The following IDO2 variants were observed in gnomAD, a reference collection of about 807,000 sequenced individuals.
IDO2 encodes indoleamine 2,3-dioxygenase 2, also known as indoleamine 2,3-dioxygenase-like 1 protein.
IDO2 carries 46 observed loss-of-function variants against 45.1 expected under a neutral mutation model. That is an observed-to-expected ratio of 1.02 (90% confidence interval 0.80 to 1.30). The LOEUF (loss-of-function observed/expected upper bound fraction) is 1.30, where lower values mean the gene tolerates loss of function less well. IDO2 is among the 50% of genes most tolerant of loss of function. The pLI is 0.00. For missense variants in IDO2, 544 were observed against 491.8 expected, an observed-to-expected ratio of 1.11 and a Z score of -1.00; for synonymous variants, 218 against 184.9, an observed-to-expected ratio of 1.18 and a Z score of -1.45.
At chr8:39,965,082 G>C (rs1313164047) in intron 3 of IDO2, among the ~76,000 whole-genome samples, 1 of 152,248 alleles carries the variant, frequency 6.6e-6, no homozygotes, top group Non-Finnish European at 1.5e-5. Flanking sequence ...CATAAAGGAA[G>C]AGAAGGACTT....
intron 9 of IDO2, among the ~76,000 whole-genome samples, chr8:40,011,306 A>G (rs996073415): frequency 6.6e-6 from 1 of 152,222 alleles, no homozygotes; most frequent in Non-Finnish European, 1.5e-5. Context: ...TGAGAGTGCA[A>G]CATTTAGCAG....
At chr8:39,949,063 T>C in intron 1 of IDO2, 86 bp from the exon 2 acceptor site, 1 of 1,520,484 alleles carries the variant, frequency 6.6e-7, no homozygotes, top group Non-Finnish European at 8.8e-7. Flanking sequence ...CCTGAGACAC[T>C]GCGCAACTAA....
Position 39,963,668 on chromosome 8 carries a change from A to T in IDO2, c.160A>T (p.Ile54Phe), listed in dbSNP as rs780286284. ...AATTGCCAACAAACTTCCTCAATTGATTGATGCTCACCAGCTTCAAGCTCA... is the reference window on the plus strand; with the variant it reads ...AATTGCCAACAAACTTCCTCAATTGTTTGATGCTCACCAGCTTCAAGCTCA... Residue 54 changes from isoleucine to phenylalanine, a missense_variant, in exon 3 of 11, where the codon ATT becomes TTT. Coordinates refer to ENST00000502986, the Ensembl canonical transcript of IDO2. 3 of 1,612,002 alleles carry T rather than the reference A, an allele frequency of 1.9e-6. No homozygotes were observed. The South Asian group carries it at 3.3e-5, about 18-fold the overall frequency.
chr8:39,943,454 C>A (rs1807678768), intron 1 of IDO2, among the ~76,000 whole-genome samples: 1 of 150,220 alleles, frequency 6.7e-6, no homozygotes, highest in Admixed American at 6.6e-5. Context: ...AAACCTATAG[C>A]TGGCCGGGCG....
At chr8:39,995,330 G>C (rs1436164815) in intron 8 of IDO2, 1 of 149,760 alleles carries the variant, frequency 6.7e-6, no homozygotes, top group East Asian at 2.0e-4. Flanking sequence ...GCCCAGGCTG[G>C]AGTGCAGTGG....
chr8:39,982,542 C>T, intron 4 of IDO2, 110 bp from the exon 5 acceptor site: 2 of 686,486 alleles, frequency 2.9e-6, no homozygotes, highest in East Asian at 2.8e-5. Flanking sequence ...AAGCTTGGTT[C>T]CCAGATCATT....
chr8:40,007,504 T>C (rs1239638037), intron 9 of IDO2, among the ~76,000 whole-genome samples: 1 of 143,628 alleles, frequency 7.0e-6, no homozygotes, highest in Non-Finnish European at 1.5e-5. Context: ...GAGCTGGGAG[T>C]GTGTTTTAGT....
intron 8 of IDO2, among the ~76,000 whole-genome samples, chr8:39,996,736 A>G (rs1386391415): frequency 6.6e-6 from 1 of 152,234 alleles, no homozygotes; most frequent in African/African-American, 2.4e-5. Flanking sequence ...CTTCTGAAGG[A>G]TAATAATATA....
chr8:39,958,872 C>G (rs1394195143), intron 2 of IDO2, among the ~76,000 whole-genome samples: 1 of 152,156 alleles, frequency 6.6e-6, no homozygotes, highest in East Asian at 1.9e-4. Context: ...ATATAAAATA[C>G]AGTTTTACAA....
At chr8:39,979,262 G>A in intron 4 of IDO2, 76 bp downstream of exon 4, 1 of 1,507,360 alleles carries the variant, frequency 6.6e-7, no homozygotes, top group Non-Finnish European at 8.9e-7. Context: ...CCTGCTTGGT[G>A]CTACCCTGTT....
rs189014504 is a variant in IDO2 at position 39,996,102 on chromosome 8, G to C, written c.667+6264G>C. 2.3e-3 allele frequency among the ~76,000 whole-genome samples: 348 copies of C among 149,534 alleles called. 1 individual carries two copies. Among genetic ancestry groups the C allele is most frequent in the Middle Eastern group, 7.0e-3 (2 of 284 alleles). On this transcript the variant is annotated intron_variant, in intron 8 of 10. Coordinates refer to ENST00000502986, the Ensembl canonical transcript of IDO2. ...AAAAAAAAAAAAGAAAAGAAAAGGC[G>C]CTCGTTACTTAGCCGACCGGGAAAG...
chr8:39,984,904 A>G (rs1338442908), intron 5 of IDO2: 1 of 436,866 alleles, frequency 2.3e-6, no homozygotes, highest in African/African-American at 2.1e-5. Context: ...AAATACAAAA[A>G]TGTAAGATGA....
intron 2 of IDO2, among the ~76,000 whole-genome samples, chr8:39,960,845 C>T (rs1252428694): frequency 6.6e-6 from 1 of 152,154 alleles, no homozygotes; most frequent in African/African-American, 2.4e-5. Context: ...TGCAGTGGCA[C>T]AATCTCGGCT....
chr8:39,996,370 C>T (rs1478481495), intron 8 of IDO2, among the ~76,000 whole-genome samples: 2 of 152,224 alleles, frequency 1.3e-5, no homozygotes, highest in East Asian at 1.9e-4. Context: ...TAAGCTGTCA[C>T]GTCTCTCTCT....
chr8:39,991,837 C>T (rs1007869431), intron 8 of IDO2, among the ~76,000 whole-genome samples: 3 of 152,328 alleles, frequency 2.0e-5, no homozygotes, highest in African/African-American at 7.2e-5. Flanking sequence ...TCCCAAAGTG[C>T]TGGGATTACA....
chr8:39,939,242 C>CAAA lies in IDO2; in HGVS notation c.-18+4042_-18+4044dup, dbSNP rs57921420. ...TGGGCGACAGAGCAAGACTCCATCT[C>CAAA]AAAAAAAAAAAAAAAAAAAAGAGGC... On this transcript the variant is annotated intron_variant, in intron 1 of 10. Coordinates refer to ENST00000502986, the Ensembl canonical transcript of IDO2. 7.3e-3 allele frequency among the ~76,000 whole-genome samples: 852 copies of CAAA among 117,488 alleles called. 12 individuals carry two copies. Among genetic ancestry groups the CAAA allele is most frequent in the Non-Finnish European group, 0.011 (643 of 56,652 alleles). 77.1% of individuals were successfully genotyped at this position (117,488 alleles called of 152,430 possible).
intron 3 of IDO2, among the ~76,000 whole-genome samples, chr8:39,965,400 T>G (rs1227378027): frequency 7.2e-5 from 11 of 152,106 alleles, no homozygotes; most frequent in Non-Finnish European, 1.0e-4. Flanking sequence ...GGCAGAAGAA[T>G]CACTTGAACC....
chr8:39,983,856 C>T (rs1200278149), intron 5 of IDO2, among the ~76,000 whole-genome samples: 1 of 19,160 alleles, frequency 5.2e-5, no homozygotes, highest in Non-Finnish European at 1.1e-4. Context: ...CAAACTCTGT[C>T]TCAAAAGAAA....
At chr8:39,950,819 T>A (rs1238928223) in intron 2 of IDO2, among the ~76,000 whole-genome samples, 1 of 152,144 alleles carries the variant, frequency 6.6e-6, no homozygotes, top group Non-Finnish European at 1.5e-5. Flanking sequence ...CATCTCCATA[T>A]AAGGAATGGC....
Sources: gnomAD v4.1 joint callset for allele counts (sites outside exome capture counted in the v4.1 genomes callset) on GRCh38, gnomAD v4.1.1 for gene constraint, MANE v1.5 for transcripts, NCBI Gene and HGNC (gene_info 2026-07-23, HGNC 2026-07-21) for gene names.